The following ATP2B2 variants were observed in gnomAD, a reference collection of about 807,000 sequenced individuals.
ATP2B2 encodes the protein ATPase plasma membrane Ca2+ transporting 2, also known as plasma membrane calcium-transporting ATPase 2.
A neutral mutation model predicts 120.0 loss-of-function variants in ATP2B2; 15 were observed. That is an observed-to-expected ratio of 0.12 (90% CI 0.08 to 0.19). The LOEUF is 0.19. Among genes scored for constraint, ATP2B2 ranks in the 10% least tolerant of loss-of-function variants. ATP2B2 has a pLI of 1.00. For missense variants in ATP2B2, 1,045 were observed against 1,719.8 expected, an observed-to-expected ratio of 0.61 and a Z score of 6.94; for synonymous variants, 694 against 700.3, an observed-to-expected ratio of 0.99 and a Z score of 0.14.
At chr3:10,676,321 G>A (rs1559516368) in intron 1 of ATP2B2, among the ~76,000 whole-genome samples, 1 of 152,122 alleles carries the variant, frequency 6.6e-6, no homozygotes, top group Non-Finnish European at 1.5e-5. Flanking sequence ...TGACAGGGAT[G>A]GGGTGCCACT....
intron 1 of ATP2B2, among the ~76,000 whole-genome samples, chr3:10,492,922 C>T (rs1338809674): frequency 2.0e-5 from 3 of 152,162 alleles, no homozygotes; most frequent in African/African-American, 2.4e-5. Context: ...TCTAGGATGG[C>T]GCCTCCTCCT....
At chr3:10,579,205 T>A (rs981539491) in intron 2 of ATP2B2, among the ~76,000 whole-genome samples, 1 of 152,182 alleles carries the variant, frequency 6.6e-6, no homozygotes, top group African/African-American at 2.4e-5. Flanking sequence ...TAAAGATAAG[T>A]TGAAGTTTTG....
rs561627183 is a variant in ATP2B2 at position 10,375,058 on chromosome 3, T to A, written c.1416+372A>T. 1.3e-4 allele frequency among the ~76,000 whole-genome samples: 20 copies of A among 152,322 alleles called. No individual in the cohort carries two copies. Among genetic ancestry groups the A allele is most frequent in the Middle Eastern group, 3.4e-3 (1 of 294 alleles). ...CACGGTGATGTCTTTATTATTTTTTTAAAATTTTTGAGTTGATTATCAATG... is the reference window on the plus strand; with the variant it reads ...CACGGTGATGTCTTTATTATTTTTTAAAAATTTTTGAGTTGATTATCAATG... On this transcript the variant is annotated intron_variant, in intron 11 of 22. Transcript: ENST00000360273. The surrounding 1 kb of genome is among the most constrained non-coding windows in gnomAD (Gnocchi z 4.2).
chr3:10,405,670 G>T (rs1257657513), intron 3 of ATP2B2, among the ~76,000 whole-genome samples: 1 of 152,092 alleles, frequency 6.6e-6, no homozygotes, highest in African/African-American at 2.4e-5. Context: ...CTGGACCTGC[G>T]GCTATAGAGG....
chr3:10,485,689 C>A (rs1193877987), intron 1 of ATP2B2, among the ~76,000 whole-genome samples: 1 of 152,194 alleles, frequency 6.6e-6, no homozygotes, highest in African/African-American at 2.4e-5. Flanking sequence ...TGCCTACTCA[C>A]CTCTGCAGAG....
chr3:10,329,160 C>T lies in ATP2B2; in HGVS notation c.3421-35G>A, dbSNP rs910903332. On this transcript the variant is annotated intron_variant, in intron 22 of 22. Transcript: ENST00000360273. This position sits in a 1 kb window ranked among gnomAD's most constrained non-coding sequence, Gnocchi z 5.9. ...AAGCACAGGGGTCAGGAGCACTGCC[C>T]AGGGACCACAGCCAGGCTCGGGGGG... 1 of 1,596,698 alleles carries T rather than the reference C, an allele frequency of 6.3e-7. No individual in the cohort carries two copies.
chr3:10,652,613 C>T (rs935484382), intron 1 of ATP2B2, among the ~76,000 whole-genome samples: 8 of 152,106 alleles, frequency 5.3e-5, no homozygotes, highest in Admixed American at 1.3e-4. Flanking sequence ...TGAGTATATA[C>T]CAAAAAGAAT....
intron 2 of ATP2B2, among the ~76,000 whole-genome samples, chr3:10,448,695 C>T (rs562106195): frequency 1.3e-5 from 2 of 152,256 alleles, no homozygotes; most frequent in Non-Finnish European, 2.9e-5. Context: ...CATCTTCCTA[C>T]TGCTTTGTCT....
chr3:10,504,910 G>A (rs1207095428), intron 1 of ATP2B2, among the ~76,000 whole-genome samples: 2 of 152,072 alleles, frequency 1.3e-5, no homozygotes, highest in East Asian at 3.9e-4. Flanking sequence ...CACATGACCC[G>A]GCTGGCCTGA....
At chr3:10,627,594 C>A (rs1292903902) in intron 1 of ATP2B2, among the ~76,000 whole-genome samples, 3 of 152,176 alleles carry the variant, frequency 2.0e-5, no homozygotes, top group African/African-American at 7.2e-5. Flanking sequence ...AATGACCTCT[C>A]CCCCTCGCTG....
chr3:10,534,781 T>G (rs2125482032), intron 2 of ATP2B2, among the ~76,000 whole-genome samples: 1 of 152,094 alleles, frequency 6.6e-6, no homozygotes, highest in South Asian at 2.1e-4. Context: ...TATGCATAAG[T>G]GCCGTGGGTC....
At chr3:10,586,680 G>A (rs1040714622) in intron 2 of ATP2B2, among the ~76,000 whole-genome samples, 1 of 152,214 alleles carries the variant, frequency 6.6e-6, no homozygotes, top group Non-Finnish European at 1.5e-5. Flanking sequence ...AGGAGGCACA[G>A]CTTAGAAACA....
chr3:10,336,551 GGGCCAGTGGGCT>G lies in ATP2B2; in HGVS notation c.3420+1613_3420+1624del, dbSNP rs1324423515. Among the ~76,000 whole-genome samples, 3 of 152,196 alleles carry G rather than the reference GGGCCAGTGGGCT, an allele frequency of 2.0e-5. No individual in the cohort carries two copies. In the East Asian group the frequency reaches 5.8e-4, roughly 29 times the overall value. On this transcript the variant is annotated intron_variant, in intron 22 of 22. Transcript: ENST00000360273. ...CCTTTGTCCTGTGCTAGTGGCTCAGGGGCCAGTGGGCTGGCCAGTGGGGGAGGCAGTGATTAA... is the reference window on the plus strand; with the variant it reads ...CCTTTGTCCTGTGCTAGTGGCTCAGGGGCCAGTGGGGGAGGCAGTGATTAA...
intron 1 of ATP2B2, among the ~76,000 whole-genome samples, chr3:10,667,152 T>TGTA (rs2070961994): frequency 6.6e-6 from 1 of 152,116 alleles, no homozygotes; most frequent in African/African-American, 2.4e-5. Context: ...ACCTCCGAGG[T>TGTA]GGTCTCCACC....
In ATP2B2 at chr3:10,372,819, C is replaced by T. The variant is rs1661602102; in HGVS notation, c.1417-768G>A. Among the ~76,000 whole-genome samples the T allele has an allele frequency of 2.6e-5, 4 of 152,286 alleles. No individual in the cohort carries two copies. The South Asian group carries it at 8.3e-4, about 32-fold the overall frequency. On this transcript the variant is annotated intron_variant, in intron 11 of 22. Transcript: ENST00000360273. ...CCTTCTTTTCTCTCTGGCCCAACTC[C>T]ACACTCATACCTTCTTCTAGGCTCT...
intron 2 of ATP2B2, among the ~76,000 whole-genome samples, chr3:10,602,146 G>A (rs1417172079): frequency 6.6e-6 from 1 of 152,074 alleles, no homozygotes. Context: ...TCCTGCCCTG[G>A]CCTCTGCCCC....
At chr3:10,495,540 T>C (rs1409824861) in intron 1 of ATP2B2, among the ~76,000 whole-genome samples, 1 of 152,170 alleles carries the variant, frequency 6.6e-6, no homozygotes, top group African/African-American at 2.4e-5. Flanking sequence ...TTATGACAGG[T>C]TACCCGGGGG....
At chr3:10,654,562 A>G (rs79246170) in intron 1 of ATP2B2, among the ~76,000 whole-genome samples, 3,540 of 152,196 alleles carry the variant, frequency 0.023, 68 homozygotes, top group South Asian at 0.09. Flanking sequence ...GGGACCTCCC[A>G]GGAAGATGTG....
intron 12 of ATP2B2, among the ~76,000 whole-genome samples, chr3:10,371,376 A>G (rs1461199684): frequency 6.6e-6 from 1 of 152,138 alleles, no homozygotes; most frequent in East Asian, 1.9e-4. Flanking sequence ...GTCCACATGA[A>G]CCCCCACAGA....
Sources: allele counts gnomAD v4.1 joint callset (sites outside exome capture counted in the v4.1 genomes callset), GRCh38; gene constraint gnomAD v4.1.1; non-coding constraint Gnocchi (gnomAD v3.1); transcripts MANE v1.5; gene names NCBI Gene and HGNC (gene_info 2026-07-23, HGNC 2026-07-21).